The following LAMP5 variants were observed in gnomAD, a reference collection of about 807,000 sequenced individuals.
LAMP5 encodes lysosome-associated membrane glycoprotein 5.
In LAMP5, 36 loss-of-function variants were observed where a neutral mutation model predicts 30.2. That is an observed-to-expected ratio of 1.19 (90% confidence interval 0.91 to 1.57). The LOEUF is 1.57. Among genes scored for constraint, LAMP5 ranks in the 40% most tolerant of loss-of-function variants. The pLI is 0.00. For missense variants in LAMP5, 377 were observed against 354.9 expected, an observed-to-expected ratio of 1.06 and a Z score of -0.50; for synonymous variants, 149 against 134.6, an observed-to-expected ratio of 1.11 and a Z score of -0.74.
rs1343324202 is a variant in LAMP5 at position 9,514,591 on chromosome 20, G to A, written c.-262G>A. ...CACAGCCACTCCTGCCACACAATCG[G>A]ATTGCTTTCAGCACTCGCAGCCGTG... On this transcript the variant is annotated 5_prime_UTR_variant, in exon 1 of 6. Coordinates refer to ENST00000246070, the MANE Select transcript of LAMP5 (RefSeq NM_012261.4). 9.5e-6 allele frequency: 5 copies of A among 525,588 alleles called. No individual in the cohort carries two copies. Among genetic ancestry groups the A allele is most frequent in the African/African-American group, 1.9e-5 (1 of 52,312 alleles). 32.6% of individuals were successfully genotyped at this position (525,588 alleles called of 1,614,324 possible). A position where few individuals can be genotyped will look rare whatever the true frequency, so the allele number is the denominator to read the frequency against.
intron 4 of LAMP5, among the ~76,000 whole-genome samples, chr20:9,516,693 C>T (rs983580061): frequency 6.6e-6 from 1 of 152,136 alleles, no homozygotes; most frequent in South Asian, 2.1e-4. Context: ...CGGAGAAGGG[C>T]AAAGCTGCAT....
Position 9,514,607 on chromosome 20 carries a change from C to T in LAMP5, c.-246C>T, listed in dbSNP as rs1189847748. ...ACACAATCGGATTGCTTTCAGCACT[C>T]GCAGCCGTGGACCGCCGTGCGGTCC... On this transcript the variant is annotated 5_prime_UTR_variant, in exon 1 of 6. Coordinates refer to ENST00000246070, the MANE Select transcript of LAMP5 (RefSeq NM_012261.4). 8 of 543,314 alleles carry T rather than the reference C, an allele frequency of 1.5e-5. No individual in the cohort carries two copies. The highest frequency in any genetic ancestry group is 3.2e-5 in the Admixed American group (1 of 31,554). 33.7% of individuals were successfully genotyped at this position (543,314 alleles called of 1,614,324 possible). A position where few individuals can be genotyped will look rare whatever the true frequency, so the allele number is the denominator to read the frequency against.
At chr20:9,515,154 G>GTGAGGTCAGAGCATTGGC (rs56780259) in intron 1 of LAMP5, among the ~76,000 whole-genome samples, 1,638 of 152,270 alleles carry the variant, frequency 0.011, 35 homozygotes, top group African/African-American at 0.037. Context: ...GGCCAGCTTC[G>GTGAGGTCAGAGCATTGGC]TGAGGTCAGA....
rs535861280 is a variant in LAMP5 at position 9,514,784 on chromosome 20, A to G, written c.-69A>G. On this transcript the variant is annotated 5_prime_UTR_variant, in exon 1 of 6. Transcript: ENST00000246070. Reference sequence around the variant, plus strand: ...CTCACCCCGGCCCACTCCAGCGGCGACTTTGAGGGATTCCCTCTCTGGCGG... The same window carrying G: ...CTCACCCCGGCCCACTCCAGCGGCGGCTTTGAGGGATTCCCTCTCTGGCGG... The G allele has an allele frequency of 4.0e-5, 58 of 1,468,214 alleles. 1 individual carries two copies. In the Admixed American group the frequency reaches 9.4e-4, roughly 24 times the overall value. The allele number at this position is 1,468,214 out of a possible 1,614,324, so 90.9% of individuals were successfully genotyped here.
chr20:9,523,927 GA>G, intron 5 of LAMP5, among the ~76,000 whole-genome samples: 1 of 152,226 alleles, frequency 6.6e-6, no homozygotes, highest in African/African-American at 2.4e-5. Flanking sequence ...GAATTCAGAG[GA>G]AAAAATTTAT....
rs1006426584 is a variant in LAMP5 at position 9,514,837 on chromosome 20, T to G, written c.-16T>G. The G allele has an allele frequency of 1.8e-5, 29 of 1,613,680 alleles. No individual in the cohort carries two copies. The highest frequency in any genetic ancestry group is 2.5e-5 in the Non-Finnish European group (29 of 1,179,822). On this transcript the variant is annotated 5_prime_UTR_variant, in exon 1 of 6. It adds an upstream start codon to the 5' untranslated region. Transcript: ENST00000246070. Reference sequence around the variant, plus strand: ...TCTGCAGCAGCACAGCCGGCCTCATTCGGGGCACTGCGAGTATGGATCTCC... The same window carrying G: ...TCTGCAGCAGCACAGCCGGCCTCATGCGGGGCACTGCGAGTATGGATCTCC...
intron 5 of LAMP5, among the ~76,000 whole-genome samples, chr20:9,521,262 G>C (rs1432129874): frequency 1.3e-5 from 2 of 152,112 alleles, no homozygotes; most frequent in Non-Finnish European, 2.9e-5. Context: ...GCACAGCAAG[G>C]AGTCCATGGG....
chr20:9,524,611 A>AC (rs1170000061), intron 5 of LAMP5, among the ~76,000 whole-genome samples: 1 of 150,476 alleles, frequency 6.6e-6, no homozygotes, highest in African/African-American at 2.4e-5. Flanking sequence ...AAAAAAAAAA[A>AC]AAAAACAAAC....
intron 5 of LAMP5, among the ~76,000 whole-genome samples, chr20:9,520,224 T>A (rs2045069962): frequency 6.6e-6 from 1 of 152,246 alleles, no homozygotes; most frequent in Non-Finnish European, 1.5e-5. Context: ...CTCTCCTGTA[T>A]GGTGTCCCCA....
chr20:9,529,865 T>A lies in LAMP5; in HGVS notation c.*45T>A, dbSNP rs748980128. 6.3e-7 allele frequency: 1 copy of A among 1,585,232 alleles called. No homozygotes were observed. The highest frequency in any genetic ancestry group is 2.2e-5 in the East Asian group (1 of 44,646). ...CCCTATTCCTGCTCCCCCAACTGGA[T>A]CAGGTAGAACAACAAAAGCACTTTT... On this transcript the variant is annotated 3_prime_UTR_variant, in exon 6 of 6. Coordinates refer to ENST00000246070, the MANE Select transcript of LAMP5 (RefSeq NM_012261.4).
In LAMP5 at chr20:9,514,618, A is replaced by G. The variant is rs1603165445; in HGVS notation, c.-235A>G. On this transcript the variant is annotated 5_prime_UTR_variant, in exon 1 of 6. Coordinates refer to ENST00000246070, the MANE Select transcript of LAMP5 (RefSeq NM_012261.4). ...TTGCTTTCAGCACTCGCAGCCGTGG[A>G]CCGCCGTGCGGTCCTTTCCTCCGCA... The G allele has an allele frequency of 1.8e-4, 64 of 363,180 alleles. No homozygotes were observed. Among genetic ancestry groups the G allele is most frequent in the East Asian group, 4.1e-4 (7 of 16,874 alleles). 22.5% of individuals were successfully genotyped at this position (363,180 alleles called of 1,614,324 possible). A position where few individuals can be genotyped will look rare whatever the true frequency, so the allele number is the denominator to read the frequency against.
At chr20:9,515,219 A>C (rs2045026830) in intron 1 of LAMP5, among the ~76,000 whole-genome samples, 2 of 151,492 alleles carry the variant, frequency 1.3e-5, no homozygotes, top group Non-Finnish European at 2.9e-5. Context: ...ACAGCCAGCT[A>C]TATTACAAAC....
Position 9,529,750 on chromosome 20 carries a change from T to C in LAMP5, c.773T>C (p.Val258Ala), listed in dbSNP as rs2045137702. The change falls in exon 6 of 6, where the codon GTC (valine) becomes GCC (alanine). Residue 258 changes from valine to alanine, a missense_variant. Coordinates refer to ENST00000246070, the MANE Select transcript of LAMP5 (RefSeq NM_012261.4). ...VIMVTLAIYH[V>A]HHKMTANQVQ... ...ATGGTAACACTCGCGATTTACCACG[T>C]CCACCACAAAATGACTGCCAACCAG... The C allele has an allele frequency of 6.2e-7, 1 of 1,614,216 alleles. No homozygotes were observed. Among genetic ancestry groups the C allele is most frequent in the Non-Finnish European group, 8.5e-7 (1 of 1,180,036 alleles).
At chr20:9,525,030 AT>A (rs769595143) in intron 5 of LAMP5, among the ~76,000 whole-genome samples, 5 of 152,156 alleles carry the variant, frequency 3.3e-5, no homozygotes, top group Admixed American at 6.6e-5. Context: ...CATAGTTGAT[AT>A]CCTCTTTATA....
intron 1 of LAMP5, 43 bp downstream of exon 1, chr20:9,514,959 T>C: frequency 6.4e-7 from 1 of 1,564,848 alleles, no homozygotes; most frequent in Non-Finnish European, 8.8e-7. Flanking sequence ...CGGGCACTCT[T>C]TGCAGAGAAC....
chr20:9,526,245 A>T (rs1301341317), intron 5 of LAMP5, among the ~76,000 whole-genome samples: 1 of 152,234 alleles, frequency 6.6e-6, no homozygotes. Context: ...TTTGAAATCA[A>T]TGTATTTCTT....
chr20:9,527,392 A>G (rs956777984), intron 5 of LAMP5, among the ~76,000 whole-genome samples: 1 of 152,132 alleles, frequency 6.6e-6, no homozygotes, highest in African/African-American at 2.4e-5. Context: ...TAATTTAGGG[A>G]CTAAGAATGT....
chr20:9,517,990 A>G lies in LAMP5; in HGVS notation c.476-50A>G, dbSNP rs773387753. 9.8e-6 allele frequency: 9 copies of G among 917,568 alleles called. No individual in the cohort carries two copies. In the Admixed American group the frequency reaches 1.7e-4, roughly 17 times the overall value. 56.8% of individuals were successfully genotyped at this position (917,568 alleles called of 1,614,324 possible). A position where few individuals can be genotyped will look rare whatever the true frequency, so the allele number is the denominator to read the frequency against. The stretch of plus-strand genomic sequence containing the variant: ...GCAATAGCCAGCTCTCTGGCACATT[A>G]GGTTAGGAACAATGAGGGTTCTAAC... On this transcript the variant is annotated intron_variant, in intron 4 of 5. Transcript: ENST00000246070.
chr20:9,524,942 C>A (rs1371668556), intron 5 of LAMP5, among the ~76,000 whole-genome samples: 1 of 152,128 alleles, frequency 6.6e-6, no homozygotes, highest in African/African-American at 2.4e-5. Flanking sequence ...TCAGGAATTC[C>A]TTTTTATTTG....
Sources: allele counts gnomAD v4.1 joint callset (sites outside exome capture counted in the v4.1 genomes callset), GRCh38; gene constraint gnomAD v4.1.1; transcripts MANE v1.5; gene names NCBI Gene and HGNC (gene_info 2026-07-23, HGNC 2026-07-21).